PAWR: variants seen among roughly 807,000 people sequenced by gnomAD.
PAWR encodes pro-apoptotic WT1 regulator, also known as PRKC apoptosis WT1 regulator protein.
In PAWR, 23 loss-of-function variants were observed where a neutral mutation model predicts 32.0. That is an observed-to-expected ratio of 0.72 (90% CI 0.52 to 1.02). The LOEUF is 1.02. Ranked by LOEUF, PAWR falls within the 50% of genes least tolerant of loss-of-function variation. The probability of loss-of-function intolerance (pLI) is 0.00; values close to 1 mark genes in which losing one functional copy is unlikely to be tolerated. For synonymous variants in PAWR, 226 were observed against 187.1 expected (o/e 1.21, Z -1.70); for missense variants, 457 against 437.7 (o/e 1.04, Z -0.39).
intron 6 of PAWR, among the ~76,000 whole-genome samples, chr12:79,593,531 C>T (rs1873632201): frequency 6.6e-6 from 1 of 151,556 alleles, no homozygotes. Context: ...TAGATTTATT[C>T]TTGCAGTTTA....
rs996442146 is a variant in PAWR, at chr12:79,690,946, C to T, written c.-222G>A. The T allele has an allele frequency of 6.6e-6, 1 of 151,166 alleles. No homozygotes were observed. Among genetic ancestry groups the T allele is most frequent in the Non-Finnish European group, 1.5e-5 (1 of 67,862 alleles). The allele number at this position is 151,166 out of a possible 1,614,324, so 9.4% of individuals were successfully genotyped here. A position where few individuals can be genotyped will look rare whatever the true frequency, so the allele number is the denominator to read the frequency against. On this transcript the variant is annotated 5_prime_UTR_variant, in exon 1 of 7. Transcript: ENST00000328827. The stretch of plus-strand genomic sequence containing the variant: ...AGGTGTGCCGAAGCTGGCGCGCGCT[C>T]TTCCGCCGCGCGGAAAGTGCCGCGG...
At chr12:79,632,339 A>ATATG (rs1875719086) in intron 2 of PAWR, among the ~76,000 whole-genome samples, 1 of 53,028 alleles carries the variant, frequency 1.9e-5, no homozygotes, top group Non-Finnish European at 2.7e-5. Flanking sequence ...ATATATATAT[A>ATATG]TATATATATA....
intron 2 of PAWR, among the ~76,000 whole-genome samples, chr12:79,652,989 A>T (rs1280966508): frequency 6.6e-6 from 1 of 152,126 alleles, no homozygotes; most frequent in Non-Finnish European, 1.5e-5. Context: ...GAGTTAAAAA[A>T]ATAAATTAAT....
At chr12:79,632,308 CATACATATATATATATATATATATAT>C in intron 2 of PAWR, 1 of 25,176 alleles carries the variant, frequency 4.0e-5, no homozygotes, top group African/African-American at 3.0e-4. Flanking sequence ...TATATATATA[CATACATATATATATATATATATATAT>C]ATATATATAT....
At chr12:79,669,362 C>T (rs1877771718) in intron 2 of PAWR, among the ~76,000 whole-genome samples, 1 of 152,166 alleles carries the variant, frequency 6.6e-6, no homozygotes, top group African/African-American at 2.4e-5. Context: ...CATGTCTATT[C>T]TCAGGACTAT....
At chr12:79,686,432 G>A (rs1028463418) in intron 2 of PAWR, among the ~76,000 whole-genome samples, 1 of 152,104 alleles carries the variant, frequency 6.6e-6, no homozygotes, top group African/African-American at 2.4e-5. Flanking sequence ...TACCCAGACT[G>A]CAGTCCAACA....
chr12:79,666,328 A>G (rs921415203), intron 2 of PAWR, among the ~76,000 whole-genome samples: 1 of 152,220 alleles, frequency 6.6e-6, no homozygotes, highest in Non-Finnish European at 1.5e-5. Flanking sequence ...AAAACAGCTG[A>G]TGAAAGGAAA....
chr12:79,663,461 C>A (rs758814773), intron 2 of PAWR, among the ~76,000 whole-genome samples: 2 of 152,144 alleles, frequency 1.3e-5, no homozygotes, highest in Non-Finnish European at 2.9e-5. Flanking sequence ...AAGTTCCCTT[C>A]GTGATTCTTA....
At chr12:79,674,227 A>T (rs1329657774) in intron 2 of PAWR, among the ~76,000 whole-genome samples, 2 of 152,120 alleles carry the variant, frequency 1.3e-5, no homozygotes, top group African/African-American at 4.8e-5. Context: ...GGAGCAGGTC[A>T]GAGAACCCCA....
intron 4 of PAWR, among the ~76,000 whole-genome samples, chr12:79,602,203 T>C (rs1478070226): frequency 6.6e-6 from 1 of 152,206 alleles, no homozygotes; most frequent in Non-Finnish European, 1.5e-5. Context: ...TAAATAACTA[T>C]TACACAGTAG....
intron 2 of PAWR, among the ~76,000 whole-genome samples, chr12:79,629,701 ACT>A (rs1490620147): frequency 6.6e-6 from 1 of 152,082 alleles, no homozygotes; most frequent in East Asian, 1.9e-4. Flanking sequence ...TTTTTCGAAA[ACT>A]CACTGTATGT....
chr12:79,616,013 C>T (rs1256365919), intron 3 of PAWR, among the ~76,000 whole-genome samples: 1 of 141,088 alleles, frequency 7.1e-6, no homozygotes, highest in Non-Finnish European at 1.5e-5. Context: ...GCTGAGATCA[C>T]ACTACTATAC....
chr12:79,684,042 T>C (rs1225000608), intron 2 of PAWR, among the ~76,000 whole-genome samples: 2 of 151,950 alleles, frequency 1.3e-5, no homozygotes, highest in East Asian at 3.9e-4. Flanking sequence ...AAGAACATAA[T>C]GAAAAATAAA....
At chr12:79,654,638 T>C (rs1278156505) in intron 2 of PAWR, among the ~76,000 whole-genome samples, 2 of 152,222 alleles carry the variant, frequency 1.3e-5, no homozygotes, top group Non-Finnish European at 2.9e-5. Flanking sequence ...AGAGGTTTAA[T>C]TGACTCACAG....
chr12:79,654,066 A>C (rs1054599349), intron 2 of PAWR, among the ~76,000 whole-genome samples: 7 of 152,200 alleles, frequency 4.6e-5, no homozygotes, highest in Non-Finnish European at 8.8e-5. Flanking sequence ...AAAGTCATAA[A>C]ACATGTTAAA....
intron 2 of PAWR, among the ~76,000 whole-genome samples, chr12:79,632,581 A>G (rs1046081670): frequency 5.3e-5 from 8 of 150,680 alleles, no homozygotes; most frequent in African/African-American, 1.2e-4. Context: ...TGTTGCCCAG[A>G]CTAGTCTTGA....
chr12:79,685,194 T>TA (rs1878626050), intron 2 of PAWR, among the ~76,000 whole-genome samples: 1 of 152,184 alleles, frequency 6.6e-6, no homozygotes, highest in Non-Finnish European at 1.5e-5. Context: ...CTCAAACATT[T>TA]AGGAAAGCTG....
chr12:79,681,607 AAC>A (rs1272020164), intron 2 of PAWR, among the ~76,000 whole-genome samples: 1 of 152,186 alleles, frequency 6.6e-6, no homozygotes, highest in Non-Finnish European at 1.5e-5. Context: ...TAAGAATAGA[AAC>A]ACAAATATTA....
intron 4 of PAWR, among the ~76,000 whole-genome samples, chr12:79,609,261 A>G (rs1874329973): frequency 6.6e-6 from 1 of 152,228 alleles, no homozygotes; most frequent in Non-Finnish European, 1.5e-5. Flanking sequence ...GTTTCCTTAT[A>G]GAAGCTGGTT....
Sources: allele counts gnomAD v4.1 joint callset (sites outside exome capture counted in the v4.1 genomes callset), GRCh38; gene constraint gnomAD v4.1.1; transcripts MANE v1.5; gene names NCBI Gene and HGNC (gene_info 2026-07-23, HGNC 2026-07-21).